Variants in KIRREL3 observed in about 807,000 individuals in gnomAD.
KIRREL3 encodes the protein kirre like nephrin family adhesion molecule 3, also known as kin of IRRE-like protein 3.
In KIRREL3, 36 loss-of-function variants were observed where a neutral mutation model predicts 89.7. That is an observed-to-expected ratio of 0.40 (90% confidence interval 0.31 to 0.53). The LOEUF is 0.53. Among genes scored for constraint, KIRREL3 ranks in the 20% least tolerant of loss-of-function variants. The probability of loss-of-function intolerance (pLI) is 0.49; values close to 1 mark genes in which losing one functional copy is unlikely to be tolerated. For synonymous variants in KIRREL3, 445 were observed against 441.4 expected (o/e 1.01, Z -0.10); for missense variants, 864 against 1,056.6 (o/e 0.82, Z 2.53).
rs574073219 is a variant in KIRREL3 at position 126,905,057 on chromosome 11, C to T, written c.55+95398G>A. 9.2e-5 allele frequency among the ~76,000 whole-genome samples: 14 copies of T among 152,022 alleles called. No homozygotes were observed. Among genetic ancestry groups the T allele is most frequent in the Non-Finnish European group, 1.8e-4 (12 of 68,002 alleles). On this transcript the variant is annotated intron_variant, in intron 1 of 16. Coordinates refer to ENST00000525144, the MANE Select transcript of KIRREL3 (RefSeq NM_032531.4). The surrounding 1 kb of genome is among the most constrained non-coding windows in gnomAD (Gnocchi z 5.0). ...ACATTTCAAGAGACTGGGTCATTCC[C>T]TGGTTTGGCAAAAAGGGCGACATGA...
chr11:126,738,039 C>A (rs144537152), intron 1 of KIRREL3, among the ~76,000 whole-genome samples: 36 of 152,224 alleles, frequency 2.4e-4, no homozygotes, highest in African/African-American at 8.2e-4. Flanking sequence ...CTACCCTTCC[C>A]AGCTTCTGGT....
chr11:126,706,374 C>A (rs1021706784), intron 1 of KIRREL3, among the ~76,000 whole-genome samples: 1 of 152,114 alleles, frequency 6.6e-6, no homozygotes, highest in Non-Finnish European at 1.5e-5. Flanking sequence ...GGAAAGTGTA[C>A]TGGGGACATG....
In KIRREL3 at chr11:126,526,709, TGGTCAGTTATCTGCC is replaced by T; in HGVS notation, c.134-37_134-23del. On this transcript the variant is annotated intron_variant, in intron 2 of 16. Transcript: ENST00000525144. This position sits in a 1 kb window ranked among gnomAD's most constrained non-coding sequence, Gnocchi z 5.7. ...TGGCCTGGGAAGGAGACAAACACAA[TGGTCAGTTATCTGCC>T]GGCTACAGGGGCGAGAAGGCTCCCC... The T allele has an allele frequency of 1.3e-6, 2 of 1,549,058 alleles. No individual in the cohort carries two copies. Among genetic ancestry groups the T allele is most frequent in the Non-Finnish European group, 1.7e-6 (2 of 1,144,316 alleles).
chr11:126,455,195 G>T lies in KIRREL3; in HGVS notation c.848+1154C>A, dbSNP rs1956297204. Reference sequence around the variant, plus strand: ...TGGGCTCCACCACTAAGCCTGGTCTGGTGGAAAGAGACCAGGCTGAGTCAG... The same window carrying T: ...TGGGCTCCACCACTAAGCCTGGTCTTGTGGAAAGAGACCAGGCTGAGTCAG... On this transcript the variant is annotated intron_variant, in intron 7 of 16. Transcript: ENST00000525144. This position sits in a 1 kb window ranked among gnomAD's most constrained non-coding sequence, Gnocchi z 6.4. Among the ~76,000 whole-genome samples, 1 of 152,180 alleles carries T rather than the reference G, an allele frequency of 6.6e-6. No individual in the cohort carries two copies. The highest frequency in any genetic ancestry group is 6.5e-5 in the Admixed American group (1 of 15,278).
At position 126,788,076 on chromosome 11, in the gene KIRREL3, G is replaced by A. The variant is rs1950534109; in HGVS notation, c.55+212379C>T. 1.3e-5 allele frequency among the ~76,000 whole-genome samples: 2 copies of A among 152,178 alleles called. No individual in the cohort carries two copies. The highest frequency in any genetic ancestry group is 2.9e-5 in the Non-Finnish European group (2 of 68,040). ...GATCCATGACCAACTTGGTAGCCCG[G>A]CTCTGGAGCCCATACTCTTAGCCAC... is the stretch of plus-strand genomic sequence containing the variant. On this transcript the variant is annotated intron_variant, in intron 1 of 16. Coordinates refer to ENST00000525144, the MANE Select transcript of KIRREL3 (RefSeq NM_032531.4). This position sits in a 1 kb window ranked among gnomAD's most constrained non-coding sequence, Gnocchi z 4.1.
chr11:126,673,063 C>G (rs576064354), intron 1 of KIRREL3, among the ~76,000 whole-genome samples: 80 of 152,296 alleles, frequency 5.3e-4, no homozygotes, highest in African/African-American at 1.9e-3. Flanking sequence ...CAGTGTAGAG[C>G]TGGAGCCAGG....
In KIRREL3 at chr11:126,995,944, T is replaced by C. The variant is rs1184265788; in HGVS notation, c.55+4511A>G. On this transcript the variant is annotated intron_variant, in intron 1 of 16. Coordinates refer to ENST00000525144, the MANE Select transcript of KIRREL3 (RefSeq NM_032531.4). This position sits in a 1 kb window ranked among gnomAD's most constrained non-coding sequence, Gnocchi z 6.5. ...ACCATGCCTAGCTTGCCGCTGCCTG[T>C]TCCAAGCCAAATCCTCCTCTGTACA... Among the ~76,000 whole-genome samples the C allele has an allele frequency of 6.6e-6, 1 of 152,082 alleles. No homozygotes were observed. The highest frequency in any genetic ancestry group is 2.4e-5 in the African/African-American group (1 of 41,408).
intron 1 of KIRREL3, among the ~76,000 whole-genome samples, chr11:126,730,397 G>T (rs943859500): frequency 1.3e-5 from 2 of 152,188 alleles, no homozygotes; most frequent in African/African-American, 4.8e-5. Flanking sequence ...CTATACGTCT[G>T]GTCAATCATG....
chr11:126,450,543 GTCAA>G (rs1956023731), intron 7 of KIRREL3, among the ~76,000 whole-genome samples: 1 of 151,234 alleles, frequency 6.6e-6, no homozygotes, highest in East Asian at 2.0e-4. Flanking sequence ...GTGCATGTGT[GTCAA>G]TGTGCATGTG....
At chr11:126,588,212 T>A (rs1027527394) in intron 1 of KIRREL3, among the ~76,000 whole-genome samples, 2 of 151,626 alleles carry the variant, frequency 1.3e-5, no homozygotes, top group African/African-American at 4.9e-5. Context: ...AGATGGGGAG[T>A]CAAAGTCCTG....
chr11:126,455,924 G>A lies in KIRREL3; in HGVS notation c.848+425C>T, dbSNP rs766678460. ...TGATCCCGGATGCTCACTGGACTGG[G>A]CCGGGGCCCAGACATCCTGATCTAC... On this transcript the variant is annotated intron_variant, in intron 7 of 16. Coordinates refer to ENST00000525144, the MANE Select transcript of KIRREL3 (RefSeq NM_032531.4). The surrounding 1 kb of genome is among the most constrained non-coding windows in gnomAD (Gnocchi z 6.4). Among the ~76,000 whole-genome samples the A allele has an allele frequency of 7.2e-5, 11 of 152,006 alleles. No homozygotes were observed. The highest frequency in any genetic ancestry group is 5.8e-4 in the East Asian group (3 of 5,166).
At chr11:126,959,336 CAT>C (rs1165328725) in intron 1 of KIRREL3, among the ~76,000 whole-genome samples, 1 of 151,860 alleles carries the variant, frequency 6.6e-6, no homozygotes, top group African/African-American at 2.4e-5. Flanking sequence ...TAAAGACACA[CAT>C]GTGCACGTGC....
chr11:126,932,657 T>C (rs553607467), intron 1 of KIRREL3, among the ~76,000 whole-genome samples: 1 of 152,358 alleles, frequency 6.6e-6, no homozygotes, highest in Admixed American at 6.5e-5. Context: ...GCTTCTGCTG[T>C]GAGTCCCAGC....
At chr11:126,853,875 C>T (rs1944418667) in intron 1 of KIRREL3, among the ~76,000 whole-genome samples, 2 of 152,050 alleles carry the variant, frequency 1.3e-5, no homozygotes, top group Non-Finnish European at 1.5e-5. Context: ...ATACAGTTCT[C>T]AGTGTCTAGT....
intron 1 of KIRREL3, among the ~76,000 whole-genome samples, chr11:126,856,556 T>C (rs1351057051): frequency 2.6e-3 from 1 of 392 alleles, no homozygotes; most frequent in African/African-American, 9.1e-3. Flanking sequence ...TTTTTCTAAG[T>C]ATATATATAT....
intron 7 of KIRREL3, among the ~76,000 whole-genome samples, chr11:126,451,033 G>T (rs1157515479): frequency 6.6e-6 from 1 of 151,462 alleles, no homozygotes; most frequent in African/African-American, 2.4e-5. Flanking sequence ...ATGTGCATGT[G>T]TACATGTGTG....
chr11:126,743,886 G>A (rs1317218761), intron 1 of KIRREL3, among the ~76,000 whole-genome samples: 1 of 152,206 alleles, frequency 6.6e-6, no homozygotes, highest in Non-Finnish European at 1.5e-5. Context: ...GTATATGAGT[G>A]TGTGTGAGAC....
At position 126,932,722 on chromosome 11, in the gene KIRREL3, C is replaced by G. The variant is rs539017781; in HGVS notation, c.55+67733G>C. On this transcript the variant is annotated intron_variant, in intron 1 of 16. Coordinates refer to ENST00000525144, the MANE Select transcript of KIRREL3 (RefSeq NM_032531.4). ...GCAAAAGGCCTATGTATTTAATTTA[C>G]TTGTAAGTGAACAGCTTCTATGTGT... is the stretch of plus-strand genomic sequence containing the variant. Among the ~76,000 whole-genome samples the G allele has an allele frequency of 2.5e-3, 387 of 152,320 alleles. 2 individuals are homozygous for G. Among genetic ancestry groups the G allele is most frequent in the African/African-American group, 8.7e-3 (362 of 41,586 alleles).
intron 1 of KIRREL3, among the ~76,000 whole-genome samples, chr11:126,963,843 C>T (rs1227407058): frequency 6.6e-6 from 1 of 152,140 alleles, no homozygotes; most frequent in Non-Finnish European, 1.5e-5. Flanking sequence ...AAGTGCCACC[C>T]CTGGAGTGAA....
Sources: gnomAD v4.1 joint callset for allele counts (sites outside exome capture counted in the v4.1 genomes callset) on GRCh38, gnomAD v4.1.1 for gene constraint, Gnocchi (gnomAD v3.1) non-coding constraint, MANE v1.5 for transcripts, NCBI Gene and HGNC (gene_info 2026-07-23, HGNC 2026-07-21) for gene names.